NFASC: variants seen among roughly 807,000 people sequenced by gnomAD.
NFASC encodes neurofascin.
Under a neutral mutation model 147.5 loss-of-function variants are expected in NFASC, and 43 were observed. The ratio of observed to expected loss-of-function variants is 0.29; its 90% CI spans 0.23 to 0.38. The LOEUF (loss-of-function observed/expected upper bound fraction) is 0.38. Ranked by LOEUF, NFASC falls within the 10% of genes least tolerant of loss-of-function variation. The probability of loss-of-function intolerance (pLI) is 1.00; values close to 1 mark genes in which losing one functional copy is unlikely to be tolerated. For synonymous variants in NFASC, 622 were observed against 665.5 expected (o/e 0.93, Z 1.01); for missense variants, 1,320 against 1,689.0 (o/e 0.78, Z 3.83).
intron 1 of NFASC, among the ~76,000 whole-genome samples, chr1:204,853,885 A>G (rs1402250635): frequency 6.6e-6 from 1 of 152,142 alleles, no homozygotes. Flanking sequence ...GGGGGAACCC[A>G]TCCATAGGGG....
chr1:204,959,925 G>A (rs1302471882), intron 8 of NFASC, among the ~76,000 whole-genome samples: 1 of 152,174 alleles, frequency 6.6e-6, no homozygotes, highest in Non-Finnish European at 1.5e-5. Flanking sequence ...TCTTTCCTCC[G>A]AATGGCGAGA....
In NFASC at chr1:204,973,297, G is replaced by A. The variant is rs765536274; in HGVS notation, c.1157G>A (p.Arg386His). The A allele has an allele frequency of 5.0e-6, 8 of 1,614,066 alleles. No homozygotes were observed. Among genetic ancestry groups the A allele is most frequent in the Non-Finnish European group, 6.8e-6 (8 of 1,180,048 alleles). The part of the protein sequence containing the change: ...PLQSAPPNPN[R>H]EVAGDTIIFR... Reference sequence around the variant, plus strand: ...GTAGCGGCACCACCTAACCCAAACCGTGAGGTGGCCGGAGACACCATCATC... The same window carrying A: ...GTAGCGGCACCACCTAACCCAAACCATGAGGTGGCCGGAGACACCATCATC... The change falls in exon 12 of 30, where the codon CGT becomes CAT. Residue 386 changes from arginine to histidine, a missense_variant. Coordinates refer to ENST00000339876, the MANE Select transcript of NFASC (RefSeq NM_001005388.3).
chr1:204,861,078 CTTTTTT>C (rs1162020795), intron 1 of NFASC, among the ~76,000 whole-genome samples: 15 of 68,944 alleles, frequency 2.2e-4, no homozygotes, highest in Non-Finnish European at 3.5e-4. Context: ...ACTTGCTTTC[CTTTTTT>C]TTTTTTTTTT....
intron 21 of NFASC, among the ~76,000 whole-genome samples, 189 bp downstream of exon 21, chr1:204,982,209 G>A (rs1049584362): frequency 2.6e-5 from 4 of 152,170 alleles, no homozygotes; most frequent in Non-Finnish European, 5.9e-5. Flanking sequence ...TCATCCGAAC[G>A]TAGTTGGAAT....
In NFASC at chr1:204,988,722, C is replaced by T. The variant is rs747420515; in HGVS notation, c.2683C>T (p.Arg895Cys). 15 of 1,614,110 alleles carry T rather than the reference C, an allele frequency of 9.3e-6. No homozygotes were observed. The highest frequency in any genetic ancestry group is 2.2e-5 in the East Asian group (1 of 44,898). ...FTVQRTDPVS[R>C]YRFTLSARTQ... ...GGTGCAAAGAACGGACCCCGTGTCACGCTACCGCTTTACCCTCAGCGCCAG... is the reference window on the plus strand; with the variant it reads ...GGTGCAAAGAACGGACCCCGTGTCATGCTACCGCTTTACCCTCAGCGCCAG... Residue 895 changes from arginine (R) to cysteine (C), a missense_variant, in exon 23 of 30, where the codon CGC becomes TGC. By Grantham distance (180) the Arg-to-Cys change is radical. Around this residue, in one of 3 missense-constraint regions of NFASC, gnomAD observed 981 missense variants for 1,289.5 expected, o/e 0.76. Coordinates refer to ENST00000339876, the MANE Select transcript of NFASC (RefSeq NM_001005388.3).
chr1:204,951,821 A>G (rs1168800679), intron 4 of NFASC, among the ~76,000 whole-genome samples, 190 bp from the exon 5 acceptor site: 1 of 151,998 alleles, frequency 6.6e-6, no homozygotes, highest in Non-Finnish European at 1.5e-5. Flanking sequence ...TTTGACACCC[A>G]CCTTCTTTCC....
At position 204,977,663 on chromosome 1, in the gene NFASC, C is replaced by T; in HGVS notation, c.1832-18C>T. ...CTGGATAACCTGCTAACCTGGATAACCCGTCTTACCTTTGCAGCTGATCAG... is the reference window on the plus strand; with the variant it reads ...CTGGATAACCTGCTAACCTGGATAATCCGTCTTACCTTTGCAGCTGATCAG... On this transcript the variant is annotated intron_variant, in intron 16 of 29. Coordinates refer to ENST00000339876, the MANE Select transcript of NFASC (RefSeq NM_001005388.3). 1.2e-6 allele frequency: 2 copies of T among 1,606,460 alleles called. No homozygotes were observed. The highest frequency in any genetic ancestry group is 1.7e-6 in the Non-Finnish European group (2 of 1,174,068).
chr1:204,857,728 ACCCTGGTGGCTT>A (rs2076281887), intron 1 of NFASC, among the ~76,000 whole-genome samples: 2 of 152,086 alleles, frequency 1.3e-5, no homozygotes, highest in Non-Finnish European at 2.9e-5. Context: ...AAGTACCACA[ACCCTGGTGGCTT>A]CAACAACAGA....
chr1:205,012,263 G>A (rs1156309526), intron 28 of NFASC, among the ~76,000 whole-genome samples: 1 of 152,190 alleles, frequency 6.6e-6, no homozygotes, highest in Non-Finnish European at 1.5e-5. Flanking sequence ...GCCAACAAGG[G>A]GGTCACAGAG....
chr1:204,965,925 T>C (rs1344698032), intron 8 of NFASC, among the ~76,000 whole-genome samples: 1 of 152,206 alleles, frequency 6.6e-6, no homozygotes, highest in African/African-American at 2.4e-5. Flanking sequence ...TGAGCCTCAG[T>C]TGCCTCTGCT....
At chr1:204,989,092 A>C (rs1205182579) in intron 23 of NFASC, 1 of 474,538 alleles carries the variant, frequency 2.1e-6, no homozygotes, top group Non-Finnish European at 3.8e-6. Flanking sequence ...TAGAGGAATA[A>C]GGAAGAGAGC....
At chr1:204,846,574 G>C (rs374377919) in intron 1 of NFASC, among the ~76,000 whole-genome samples, 127 of 152,172 alleles carry the variant, frequency 8.3e-4, no homozygotes, top group African/African-American at 2.9e-3. Context: ...TATCTAGCCT[G>C]AGGTAAGCTC....
chr1:204,974,286 C>T lies in NFASC; in HGVS notation c.1387C>T (p.Arg463Ter). 5 of 1,611,056 alleles carry T rather than the reference C, an allele frequency of 3.1e-6. No individual in the cohort carries two copies. The highest frequency in any genetic ancestry group is 1.1e-5 in the South Asian group (1 of 90,898). The change falls in exon 13 of 30, where the codon CGA (arginine) becomes TGA (stop). Residue 463 changes from arginine to a stop codon, truncating the protein, a stop_gained. Transcript: ENST00000339876. LOFTEE classifies it high-confidence loss of function. Reference sequence around the variant, plus strand: ...CTTTGGGTCTCCCATCCCCACACTGCGATGGTAAGTTCCAGGAGATCAGGC... The same window carrying T: ...CTTTGGGTCTCCCATCCCCACACTGTGATGGTAAGTTCCAGGAGATCAGGC... ...PFFGSPIPTLRWFKNGQGSNL... is the reference protein window; with the variant it reads ...PFFGSPIPTL
In NFASC at chr1:204,831,408, T is replaced by C. The variant is rs1208868927; in HGVS notation, c.-200+2626T>C. 3.2e-5 allele frequency among the ~76,000 whole-genome samples: 4 copies of C among 125,560 alleles called. No individual in the cohort carries two copies. In the South Asian group the frequency reaches 1.1e-3, roughly 34 times the overall value. The allele number at this position is 125,560 out of a possible 152,430, so 82.4% of individuals were successfully genotyped here. On this transcript the variant is annotated intron_variant, in intron 1 of 29. Coordinates refer to ENST00000339876, the MANE Select transcript of NFASC (RefSeq NM_001005388.3). ...ACACATTGAAGAGGTGGCTGAGAGC[T>C]GGGGGTGGGGTTCTGGCTTTGCATT...
In NFASC at chr1:204,891,594, G is replaced by T. The variant is rs74138648; in HGVS notation, c.-199-29038G>T. 5.6e-3 allele frequency among the ~76,000 whole-genome samples: 848 copies of T among 152,222 alleles called. 7 individuals are homozygous for T. Among genetic ancestry groups the T allele is most frequent in the African/African-American group, 0.019 (805 of 41,510 alleles). ...CTCTTGCAGAGATAGTCACTACAGC[G>T]GTATTTGGAGCCCTGTAAACATGTG... On this transcript the variant is annotated intron_variant, in intron 1 of 29. Transcript: ENST00000339876.
At position 204,987,395 on chromosome 1, in the gene NFASC, C is replaced by T. The variant is rs1325505753; in HGVS notation, c.2471-23C>T. 3.1e-6 allele frequency: 5 copies of T among 1,611,020 alleles called. No individual in the cohort carries two copies. The Admixed American group carries it at 6.7e-5, about 22-fold the overall frequency. ...CCCTGCCCCCTCCCCCTCATCTCCC[C>T]TGCTCTCTCCTCCTTCCCCAAGTAC... On this transcript the variant is annotated intron_variant, in intron 21 of 29. Coordinates refer to ENST00000339876, the MANE Select transcript of NFASC (RefSeq NM_001005388.3). The surrounding 1 kb of genome is among the most constrained non-coding windows in gnomAD (Gnocchi z 4.4).
At chr1:204,907,944 ATGTGTGTGTG>A (rs58491017) in intron 1 of NFASC, among the ~76,000 whole-genome samples, 1 of 150,606 alleles carries the variant, frequency 6.6e-6, no homozygotes, top group African/African-American at 2.4e-5. Context: ...ATGAGAATAA[ATGTGTGTGTG>A]TGTGTGTGTG....
In NFASC at chr1:205,010,856, TCGTGCCA is replaced by T. The variant is rs1361751487; in HGVS notation, c.3421+1170_3421+1176del. 6.7e-6 allele frequency: 1 copy of T among 149,320 alleles called. No individual in the cohort carries two copies. The highest frequency in any genetic ancestry group is 1.5e-5 in the Non-Finnish European group (1 of 67,750). 9.2% of individuals were successfully genotyped at this position (149,320 alleles called of 1,614,324 possible). A position where few individuals can be genotyped will look rare whatever the true frequency, so the allele number is the denominator to read the frequency against. On this transcript the variant is annotated intron_variant, in intron 28 of 29. Coordinates refer to ENST00000339876, the MANE Select transcript of NFASC (RefSeq NM_001005388.3). The surrounding 1 kb of genome is among the most constrained non-coding windows in gnomAD (Gnocchi z 4.1). ...AGGCAGAGGTTGCAGTGAGCCGAAATCGTGCCACTGCACTCCAGCCTGGGCGGCAGAG... is the reference window on the plus strand; with the variant it reads ...AGGCAGAGGTTGCAGTGAGCCGAAATCTGCACTCCAGCCTGGGCGGCAGAG...
chr1:204,990,306 A>AAGGCC (rs1223908852), intron 23 of NFASC: 1 of 152,192 alleles, frequency 6.6e-6, no homozygotes, highest in Non-Finnish European at 1.5e-5. Flanking sequence ...TCTGTCACCA[A>AAGGCC]AGGCCAGGCC....
Sources: allele counts gnomAD v4.1 joint callset (sites outside exome capture counted in the v4.1 genomes callset), GRCh38; gene constraint gnomAD v4.1.1; regional missense constraint gnomAD v4.1.1; non-coding constraint Gnocchi (gnomAD v3.1); transcripts MANE v1.5; gene names NCBI Gene and HGNC (gene_info 2026-07-23, HGNC 2026-07-21).